Variants in DCC observed in about 807,000 individuals in gnomAD.
DCC encodes the protein netrin receptor DCC.
DCC carries 58 observed loss-of-function variants against 172.5 expected under a neutral mutation model. That is an observed-to-expected ratio of 0.34 (90% CI 0.27 to 0.42). The LOEUF (loss-of-function observed/expected upper bound fraction) is 0.42. DCC is among the 10% of genes least tolerant of loss of function. The probability of loss-of-function intolerance (pLI) is 1.00; values close to 1 mark genes in which losing one functional copy is unlikely to be tolerated. For missense variants in DCC, 1,740 were observed against 1,791.0 expected, an observed-to-expected ratio of 0.97 and a Z score of 0.51; for synonymous variants, 709 against 644.5, an observed-to-expected ratio of 1.10 and a Z score of -1.52.
intron 1 of DCC, among the ~76,000 whole-genome samples, chr18:52,670,010 T>C (rs1338709526): frequency 1.3e-5 from 2 of 152,154 alleles, no homozygotes; most frequent in African/African-American, 2.4e-5. Flanking sequence ...CAAATGCCTA[T>C]GGGAAGAGGG....
chr18:52,975,661 C>T (rs552437984), intron 5 of DCC, among the ~76,000 whole-genome samples: 53 of 152,200 alleles, frequency 3.5e-4, no homozygotes, highest in African/African-American at 1.2e-3. Flanking sequence ...GCTTCCAAAT[C>T]CATCCATGTT....
intron 2 of DCC, among the ~76,000 whole-genome samples, chr18:52,895,652 T>C (rs2039717728): frequency 6.6e-6 from 1 of 152,356 alleles, no homozygotes; most frequent in East Asian, 1.9e-4. Flanking sequence ...ATAATTTGCT[T>C]AACCAATTAC....
chr18:53,248,970 T>A (rs1257257263), intron 12 of DCC, among the ~76,000 whole-genome samples: 2 of 152,034 alleles, frequency 1.3e-5, no homozygotes, highest in Non-Finnish European at 2.9e-5. Context: ...AGTTCCAATT[T>A]TACCTTATGT....
At chr18:52,658,538 G>A (rs2035297924) in intron 1 of DCC, among the ~76,000 whole-genome samples, 1 of 151,634 alleles carries the variant, frequency 6.6e-6, no homozygotes, top group Non-Finnish European at 1.5e-5. Flanking sequence ...CCAAAACTTG[G>A]CAATAATCTT....
At chr18:53,351,900 G>A (rs1282305925) in intron 15 of DCC, among the ~76,000 whole-genome samples, 2 of 151,758 alleles carry the variant, frequency 1.3e-5, no homozygotes, top group African/African-American at 4.8e-5. Context: ...TTAAAAATTA[G>A]GTAAGACAGA....
At chr18:52,831,039 C>A (rs2038605520) in intron 2 of DCC, among the ~76,000 whole-genome samples, 1 of 152,002 alleles carries the variant, frequency 6.6e-6, no homozygotes, top group South Asian at 2.1e-4. Flanking sequence ...TCTGATCAGG[C>A]TTTATTAGGA....
At chr18:52,765,742 C>T (rs996990857) in intron 2 of DCC, among the ~76,000 whole-genome samples, 8 of 152,192 alleles carry the variant, frequency 5.3e-5, no homozygotes, top group Admixed American at 4.6e-4. Context: ...CAGAACCTTG[C>T]TAGTTGTGTG....
intron 1 of DCC, among the ~76,000 whole-genome samples, chr18:52,652,884 A>G (rs2035169842): frequency 6.6e-6 from 1 of 152,130 alleles, no homozygotes; most frequent in African/African-American, 2.4e-5. Context: ...ATACACAAGT[A>G]TCCAGAGCTT....
intron 21 of DCC, among the ~76,000 whole-genome samples, chr18:53,422,473 G>T (rs1043485667): frequency 6.6e-6 from 1 of 152,050 alleles, no homozygotes; most frequent in African/African-American, 2.4e-5. Flanking sequence ...TCTTGACGTT[G>T]TGTAATTTCT....
intron 1 of DCC, among the ~76,000 whole-genome samples, chr18:52,747,339 A>C (rs573803792): frequency 6.6e-6 from 1 of 152,326 alleles, no homozygotes; most frequent in African/African-American, 2.4e-5. Flanking sequence ...TGAGGGTTCA[A>C]GGGGATGGCC....
At chr18:52,586,425 A>G (rs1171267880) in intron 1 of DCC, among the ~76,000 whole-genome samples, 1 of 152,106 alleles carries the variant, frequency 6.6e-6, no homozygotes, top group East Asian at 1.9e-4. Context: ...TTGACAGTCC[A>G]GGGCAATCAC....
intron 12 of DCC, among the ~76,000 whole-genome samples, chr18:53,267,108 T>A (rs112415433): frequency 4.4e-4 from 64 of 144,146 alleles, no homozygotes; most frequent in African/African-American, 1.3e-3. Context: ...ACACTCTCTC[T>A]CTCACACACA....
At chr18:52,741,966 G>A (rs1316360344) in intron 1 of DCC, among the ~76,000 whole-genome samples, 1 of 152,034 alleles carries the variant, frequency 6.6e-6, no homozygotes, top group Non-Finnish European at 1.5e-5. Context: ...AGATCATAAA[G>A]GTAAGTCCCC....
At chr18:53,082,980 G>T (rs981479471) in intron 7 of DCC, among the ~76,000 whole-genome samples, 2 of 151,530 alleles carry the variant, frequency 1.3e-5, no homozygotes, top group Non-Finnish European at 2.9e-5. Flanking sequence ...GGCCCACTTT[G>T]TTCTTCATGC....
At chr18:53,475,425 G>A (rs980891670) in intron 25 of DCC, among the ~76,000 whole-genome samples, 1 of 152,300 alleles carries the variant, frequency 6.6e-6, no homozygotes, top group Non-Finnish European at 1.5e-5. Flanking sequence ...CCAGGCCCAG[G>A]GTCTGTGAGC....
At chr18:52,470,360 T>C (rs1291746206) in intron 1 of DCC, among the ~76,000 whole-genome samples, 2 of 152,160 alleles carry the variant, frequency 1.3e-5, no homozygotes, top group Non-Finnish European at 2.9e-5. Context: ...AGAAGAGATA[T>C]GCATTGTGAA....
At chr18:53,230,129 A>G (rs1457264547) in intron 12 of DCC, among the ~76,000 whole-genome samples, 1 of 152,068 alleles carries the variant, frequency 6.6e-6, no homozygotes, top group East Asian at 1.9e-4. Context: ...TGAATGAGAG[A>G]CACCTCTGCA....
intron 1 of DCC, among the ~76,000 whole-genome samples, chr18:52,699,857 A>G (rs751549925): frequency 8.5e-5 from 13 of 152,220 alleles, no homozygotes; most frequent in Non-Finnish European, 1.8e-4. Context: ...TTATTAAAAT[A>G]TAATTCACTT....
At chr18:53,046,187 A>G (rs1380025487) in intron 5 of DCC, among the ~76,000 whole-genome samples, 1 of 151,914 alleles carries the variant, frequency 6.6e-6, no homozygotes, top group Non-Finnish European at 1.5e-5. Context: ...CTAAAAATAC[A>G]TCATAGTAAG....
Sources: gnomAD v4.1 joint callset for allele counts (sites outside exome capture counted in the v4.1 genomes callset) on GRCh38, gnomAD v4.1.1 for gene constraint, MANE v1.5 for transcripts, NCBI Gene and HGNC (gene_info 2026-07-23, HGNC 2026-07-21) for gene names.